Variants in TSPEAR observed in about 807,000 individuals in gnomAD.
TSPEAR encodes thrombospondin-type laminin G domain and EAR repeat-containing protein.
TSPEAR carries 69 observed loss-of-function variants against 71.6 expected under a neutral mutation model. The observed-to-expected ratio is 0.96, with a 90% CI of 0.79 to 1.18. TSPEAR has a LOEUF of 1.18. Among genes scored for constraint, TSPEAR ranks in the 50% most tolerant of loss-of-function variants. The pLI is 0.00. For missense variants in TSPEAR, 971 were observed against 894.9 expected, an observed-to-expected ratio of 1.09 and a Z score of -1.09; for synonymous variants, 402 against 387.2, an observed-to-expected ratio of 1.04 and a Z score of -0.45.
At chr21:44,595,936 T>G (rs946686165) in intron 1 of TSPEAR, among the ~76,000 whole-genome samples, 4 of 152,328 alleles carry the variant, frequency 2.6e-5, no homozygotes, top group Middle Eastern at 3.4e-3. Flanking sequence ...GTGTGTTCAT[T>G]TTCTATTGCT....
chr21:44,558,831 C>T, intron 2 of TSPEAR: 1 of 1,352,040 alleles, frequency 7.4e-7, no homozygotes, highest in Non-Finnish European at 1.0e-6. Flanking sequence ...CTTTATACCC[C>T]TCTGTGTTGA....
At chr21:44,679,014 T>C (rs1305948153) in intron 1 of TSPEAR, among the ~76,000 whole-genome samples, 2 of 152,214 alleles carry the variant, frequency 1.3e-5, no homozygotes, top group Non-Finnish European at 2.9e-5. Context: ...CAAAACAACC[T>C]TGACGTTATC....
chr21:44,666,475 T>C lies in TSPEAR; in HGVS notation c.82+44958A>G, dbSNP rs587660058. ...CAGCAGGAAGAGATACTGTAGGAGA[T>C]GGGTCTGCAGAGGACGCTGGTGCAG... On this transcript the variant is annotated intron_variant, in intron 1 of 11. Transcript: ENST00000323084. 1.6e-4 allele frequency: 257 copies of C among 1,598,292 alleles called. 2 individuals are homozygous for C. In the South Asian group the frequency reaches 2.7e-3, roughly 17 times the overall value.
intron 1 of TSPEAR, chr21:44,697,814 C>T: frequency 6.2e-7 from 1 of 1,613,668 alleles, no homozygotes; most frequent in Non-Finnish European, 8.5e-7. Context: ...TGTGTGCAGA[C>T]CCGCCCGCCG....
chr21:44,530,045 C>G, intron 4 of TSPEAR, 91 bp from the exon 5 acceptor site: 1 of 1,338,908 alleles, frequency 7.5e-7, no homozygotes, highest in Non-Finnish European at 9.9e-7. Flanking sequence ...ATCCAGAGCC[C>G]GGAGGAGGCT....
intron 1 of TSPEAR, chr21:44,600,970 A>G: frequency 6.4e-7 from 1 of 1,573,268 alleles, no homozygotes; most frequent in Non-Finnish European, 8.6e-7. Context: ...CTGCTGCAAG[A>G]CTGTCTGCTG....
intron 1 of TSPEAR, among the ~76,000 whole-genome samples, chr21:44,590,282 C>T (rs975776866): frequency 4.4e-4 from 67 of 152,364 alleles, no homozygotes; most frequent in Admixed American, 2.9e-3. Flanking sequence ...AACGCGGTAT[C>T]GTGGACCACG....
rs782308658 is a variant in TSPEAR, at chr21:44,666,491, G to A, written c.82+44942C>T. On this transcript the variant is annotated intron_variant, in intron 1 of 11. Coordinates refer to ENST00000323084, the MANE Select transcript of TSPEAR (RefSeq NM_144991.3). ...TGTAGGAGATGGGTCTGCAGAGGAC[G>A]CTGGTGCAGGAGGGCTGGCAGCACC... is the stretch of plus-strand genomic sequence containing the variant. 1.8e-5 allele frequency: 29 copies of A among 1,609,226 alleles called. No individual in the cohort carries two copies. In the East Asian group the frequency reaches 2.9e-4, roughly 16 times the overall value.
chr21:44,579,641 G>C (rs587638657), intron 1 of TSPEAR: 32 of 1,224,836 alleles, frequency 2.6e-5, no homozygotes, highest in African/African-American at 1.1e-4. Context: ...ATGGAGGGGG[G>C]GGTCACCTCA....
At chr21:44,631,052 G>T (rs1409348526) in intron 1 of TSPEAR, among the ~76,000 whole-genome samples, 1 of 148,924 alleles carries the variant, frequency 6.7e-6, no homozygotes, top group Admixed American at 6.8e-5. Context: ...AAAGAAGCAA[G>T]AATGTATGGT....
chr21:44,511,311 A>C (rs782423440), intron 9 of TSPEAR, among the ~76,000 whole-genome samples: 19 of 152,138 alleles, frequency 1.2e-4, no homozygotes, highest in Non-Finnish European at 2.2e-4. Context: ...GCACACACAC[A>C]TGCACGCCTG....
intron 1 of TSPEAR, among the ~76,000 whole-genome samples, chr21:44,606,793 G>C (rs1555929920): frequency 6.6e-6 from 1 of 152,198 alleles, no homozygotes; most frequent in East Asian, 1.9e-4. Context: ...GGCATGATTT[G>C]TGTCTAGAAT....
In TSPEAR at chr21:44,627,080, C is replaced by A. The variant is rs1308932585; in HGVS notation, c.83-59075G>T. ...CAGGAGGGGTATAAAAGCCTGAGAG[C>A]CCCAAGAACCTCACACACTCACAAA... On this transcript the variant is annotated intron_variant, in intron 1 of 11. Transcript: ENST00000323084. 6 of 1,546,438 alleles carry A rather than the reference C, an allele frequency of 3.9e-6. No homozygotes were observed. The East Asian group carries it at 6.8e-5, about 17-fold the overall frequency.
rs200994878 is a variant in TSPEAR, at chr21:44,531,053, C to G, written c.623G>C (p.Gly208Ala). ...CCCCTCCATACTCGCCATGAACAGG[C>G]CTTTGGCTCTCCTCCGGCTGCCGAC... ...FFVGSRRRAK[G>A]LFMGLVRQLV... Residue 208 changes from glycine to alanine, a missense_variant, in exon 4 of 12, where the codon GGC becomes GCC. Coordinates refer to ENST00000323084, the MANE Select transcript of TSPEAR (RefSeq NM_144991.3). The G allele has an allele frequency of 3.1e-6, 5 of 1,613,448 alleles. No individual in the cohort carries two copies. The highest frequency in any genetic ancestry group is 1.6e-4 in the Middle Eastern group (1 of 6,080).
chr21:44,573,796 G>T (rs201059120), intron 1 of TSPEAR: 1 of 1,614,042 alleles, frequency 6.2e-7, no homozygotes, highest in Non-Finnish European at 8.5e-7. Flanking sequence ...TACAGCAGCC[G>T]CGTCTGCCTT....
chr21:44,699,016 C>T (rs1987520830), intron 1 of TSPEAR, among the ~76,000 whole-genome samples: 1 of 152,088 alleles, frequency 6.6e-6, no homozygotes, highest in African/African-American at 2.4e-5. Context: ...GCCTGGCCAA[C>T]ATAGTGAGAC....
Position 44,531,075 on chromosome 21 carries a change from C to T in TSPEAR, c.601G>A (p.Gly201Ser), listed in dbSNP as rs782156607. 4.2e-5 allele frequency: 67 copies of T among 1,613,746 alleles called. No homozygotes were observed. The Middle Eastern group carries it at 6.6e-4, about 16-fold the overall frequency. ...LSVKGARFFV[G>S]SRRRAKGLFM... ...AGGCCTTTGGCTCTCCTCCGGCTGC[C>T]GACGAAGAATCGAGCTCCTTTCACT... Residue 201 changes from glycine (G) to serine (S), a missense_variant, in exon 4 of 12, where the codon GGC becomes AGC. Coordinates refer to ENST00000323084, the MANE Select transcript of TSPEAR (RefSeq NM_144991.3).
Position 44,521,939 on chromosome 21 carries a change from G to A in TSPEAR, c.1510C>T (p.His504Tyr). 6.2e-7 allele frequency: 1 copy of A among 1,614,084 alleles called. No homozygotes were observed. The highest frequency in any genetic ancestry group is 8.5e-7 in the Non-Finnish European group (1 of 1,179,998). Residue 504 changes from histidine (H) to tyrosine (Y), a missense_variant, in exon 9 of 12, where the codon CAC becomes TAC. Physicochemically the swap from His to Tyr is moderately conservative, Grantham distance 83. Coordinates refer to ENST00000323084, the MANE Select transcript of TSPEAR (RefSeq NM_144991.3). The stretch of plus-strand genomic sequence containing the variant: ...AGGAGTCGGATGTAGAGGTGCGAGT[G>A]CACCTTGGTGGAGGTGCCGTTGAAG... ...NTFNGTSTKV[H>Y]SHLYIRLLGS...
intron 1 of TSPEAR, among the ~76,000 whole-genome samples, chr21:44,603,573 AGGGGAGGT>A (rs1245699994): frequency 6.6e-6 from 1 of 152,172 alleles, no homozygotes; most frequent in Non-Finnish European, 1.5e-5. Context: ...TGTGAACTTC[AGGGGAGGT>A]GTGCTGTGGG....
Sources: allele counts gnomAD v4.1 joint callset (sites outside exome capture counted in the v4.1 genomes callset), GRCh38; gene constraint gnomAD v4.1.1; transcripts MANE v1.5; gene names NCBI Gene and HGNC (gene_info 2026-07-23, HGNC 2026-07-21).